UBXN4: variants seen among roughly 807,000 people sequenced by gnomAD.
The protein encoded by UBXN4 is UBX domain-containing protein 4.
A neutral mutation model predicts 66.2 loss-of-function variants in UBXN4; 35 were observed. That is an observed-to-expected ratio of 0.53 (90% confidence interval 0.40 to 0.70). The LOEUF is 0.70. Among genes scored for constraint, UBXN4 ranks in the 30% least tolerant of loss-of-function variants. The probability of loss-of-function intolerance (pLI) is 0.00; values close to 1 mark genes in which losing one functional copy is unlikely to be tolerated. For missense variants in UBXN4, 533 were observed against 599.8 expected, an observed-to-expected ratio of 0.89 and a Z score of 1.16; for synonymous variants, 203 against 204.5, an observed-to-expected ratio of 0.99 and a Z score of 0.06.
intron 5 of UBXN4, among the ~76,000 whole-genome samples, chr2:135,760,211 A>T (rs531942761): frequency 6.6e-6 from 1 of 152,242 alleles, no homozygotes; most frequent in South Asian, 2.1e-4. Context: ...GGCCAAGATC[A>T]GTTGAGCTCA....
intron 5 of UBXN4, among the ~76,000 whole-genome samples, chr2:135,760,158 G>A (rs201073660): frequency 6.6e-6 from 1 of 152,078 alleles, no homozygotes; most frequent in Non-Finnish European, 1.5e-5. Flanking sequence ...TTACACATGG[G>A]CCAGGTACAA....
chr2:135,782,612 C>G, intron 12 of UBXN4, 137 bp from the exon 13 acceptor site: 1 of 999,384 alleles, frequency 1.0e-6, no homozygotes, highest in Non-Finnish European at 1.5e-6. Flanking sequence ...ATAATGGTCT[C>G]CCATGGACTT....
At position 135,773,031 on chromosome 2, in the gene UBXN4, C is replaced by T. The variant is rs1449657192; in HGVS notation, c.950+484C>T. Among the ~76,000 whole-genome samples the T allele has an allele frequency of 1.4e-3, 170 of 121,192 alleles. 1 individual carries two copies. Among genetic ancestry groups the T allele is most frequent in the African/African-American group, 5.0e-3 (151 of 30,154 alleles). The allele number at this position is 121,192 out of a possible 152,430, so 79.5% of individuals were successfully genotyped here. On this transcript the variant is annotated intron_variant, in intron 9 of 12. Coordinates refer to ENST00000272638, the MANE Select transcript of UBXN4 (RefSeq NM_014607.4). Reference sequence around the variant, plus strand: ...CAGCCTGGGCGACAGAGCGAGACTCCGTCCCCAAAAAAAAAAAAAAAAAAA... The same window carrying T: ...CAGCCTGGGCGACAGAGCGAGACTCTGTCCCCAAAAAAAAAAAAAAAAAAA...
intron 1 of UBXN4, among the ~76,000 whole-genome samples, chr2:135,745,521 A>C (rs2077201900): frequency 6.6e-6 from 1 of 152,244 alleles, no homozygotes; most frequent in South Asian, 2.1e-4. Context: ...GAAGGCAGAC[A>C]ATGTCTCATT....
At chr2:135,771,671 TC>T (rs1442674385) in intron 8 of UBXN4, among the ~76,000 whole-genome samples, 2 of 152,172 alleles carry the variant, frequency 1.3e-5, no homozygotes, top group Non-Finnish European at 2.9e-5. Context: ...CAAGCAATTC[TC>T]CTGTCCCAGG....
At chr2:135,772,790 G>A (rs1369590470) in intron 9 of UBXN4, among the ~76,000 whole-genome samples, 1 of 151,182 alleles carries the variant, frequency 6.6e-6, no homozygotes. Flanking sequence ...TGTAATCCCA[G>A]CACTTTGGGA....
chr2:135,757,950 AC>A lies in UBXN4; in HGVS notation c.508+2262del, dbSNP rs750368597. Among the ~76,000 whole-genome samples the A allele has an allele frequency of 3.3e-5, 5 of 152,042 alleles. No homozygotes were observed. In the South Asian group the frequency reaches 8.3e-4, roughly 25 times the overall value. On this transcript the variant is annotated intron_variant, in intron 5 of 12. Coordinates refer to ENST00000272638, the MANE Select transcript of UBXN4 (RefSeq NM_014607.4). ...TGTGTCTGCAGGGTCTGGCTCTGTC[AC>A]CCAGGCTGGAGTGCAGTGGCACAAA...
At chr2:135,776,606 T>G (rs2077416443) in intron 10 of UBXN4, among the ~76,000 whole-genome samples, 1 of 152,196 alleles carries the variant, frequency 6.6e-6, no homozygotes, top group Non-Finnish European at 1.5e-5. Context: ...TTTTTTAAAA[T>G]TTTTTGAGAC....
At chr2:135,751,155 G>A (rs1241882188) in intron 2 of UBXN4, among the ~76,000 whole-genome samples, 1 of 143,776 alleles carries the variant, frequency 7.0e-6, no homozygotes, top group East Asian at 2.1e-4. Context: ...GCCCGGCCGT[G>A]TCTGGCATTT....
intron 1 of UBXN4, among the ~76,000 whole-genome samples, chr2:135,745,613 A>G (rs1369589737): frequency 6.6e-6 from 1 of 152,194 alleles, no homozygotes; most frequent in Non-Finnish European, 1.5e-5. Flanking sequence ...AATGAATGGA[A>G]AGGATTTCTC....
At chr2:135,752,316 G>A (rs758602089) in intron 2 of UBXN4, among the ~76,000 whole-genome samples, 4 of 152,168 alleles carry the variant, frequency 2.6e-5, no homozygotes, top group Non-Finnish European at 5.9e-5. Flanking sequence ...CAAAGTGCTG[G>A]GATTACAGGC....
At chr2:135,754,381 G>C (rs7609188) in intron 4 of UBXN4, 104 bp downstream of exon 4, 105,720 of 846,578 alleles carry the variant, frequency 0.12, 9,656 homozygotes, top group Middle Eastern at 0.28. Flanking sequence ...GAGTGCAGTG[G>C]TGTGATCTCA....
chr2:135,769,923 T>G (rs1477631810), intron 7 of UBXN4, 100 bp downstream of exon 7: 3 of 976,436 alleles, frequency 3.1e-6, no homozygotes, highest in Non-Finnish European at 4.4e-6. Flanking sequence ...CTTCATAGTT[T>G]TAGTTCAGTG....
intron 6 of UBXN4, among the ~76,000 whole-genome samples, chr2:135,768,043 A>G (rs1165909289): frequency 1.3e-5 from 2 of 152,172 alleles, no homozygotes; most frequent in African/African-American, 4.8e-5. Flanking sequence ...GGTATACACC[A>G]AACACTTTTA....
intron 5 of UBXN4, among the ~76,000 whole-genome samples, chr2:135,759,139 C>G (rs534306004): frequency 6.6e-6 from 1 of 152,198 alleles, no homozygotes; most frequent in South Asian, 2.1e-4. Flanking sequence ...TACTCATCAT[C>G]CTGCGTCAGT....
intron 6 of UBXN4, among the ~76,000 whole-genome samples, chr2:135,767,462 A>G (rs1193724913): frequency 1.3e-5 from 2 of 152,208 alleles, no homozygotes; most frequent in Admixed American, 1.3e-4. Flanking sequence ...CACTATCCTG[A>G]ATCGAACACT....
chr2:135,751,332 G>A (rs1322138477), intron 2 of UBXN4, among the ~76,000 whole-genome samples: 4 of 151,300 alleles, frequency 2.6e-5, no homozygotes, highest in South Asian at 2.1e-4. Flanking sequence ...GACTATAGGC[G>A]CCCACCACCA....
At chr2:135,749,406 A>G (rs1156812440) in intron 2 of UBXN4, among the ~76,000 whole-genome samples, 2 of 152,170 alleles carry the variant, frequency 1.3e-5, no homozygotes, top group Non-Finnish European at 2.9e-5. Flanking sequence ...CCTCCTCCCC[A>G]TCTTTTAAAA....
intron 1 of UBXN4, chr2:135,747,650 C>T (rs976217222): frequency 1.3e-5 from 6 of 456,296 alleles, no homozygotes; most frequent in Admixed American, 7.1e-5. Context: ...ATTTTTCTCT[C>T]TCTCTAGACG....
Sources: gnomAD v4.1 joint callset for allele counts (sites outside exome capture counted in the v4.1 genomes callset) on GRCh38, gnomAD v4.1.1 for gene constraint, MANE v1.5 for transcripts, NCBI Gene and HGNC (gene_info 2026-07-23, HGNC 2026-07-21) for gene names.